The following DLG2 variants were observed in gnomAD, a reference collection of about 807,000 sequenced individuals.
DLG2 encodes disks large homolog 2.
A neutral mutation model predicts 132.5 loss-of-function variants in DLG2; 45 were observed. The observed-to-expected ratio is 0.34, with a 90% CI of 0.27 to 0.44. The LOEUF (loss-of-function observed/expected upper bound fraction) is 0.44. DLG2 is among the 20% of genes least tolerant of loss of function. DLG2 has a pLI of 1.00. For missense variants in DLG2, 1,045 were observed against 1,196.9 expected, an observed-to-expected ratio of 0.87 and a Z score of 1.87; for synonymous variants, 424 against 419.6, an observed-to-expected ratio of 1.01 and a Z score of -0.13.
chr11:85,272,637 T>C (rs2077609304), intron 4 of DLG2, among the ~76,000 whole-genome samples: 2 of 152,254 alleles, frequency 1.3e-5, no homozygotes, highest in Admixed American at 6.5e-5. Context: ...CATTCCATGC[T>C]CATGGATAGG....
chr11:84,966,473 A>T (rs1177964417), intron 6 of DLG2, among the ~76,000 whole-genome samples: 1 of 152,142 alleles, frequency 6.6e-6, no homozygotes, highest in Non-Finnish European at 1.5e-5. Flanking sequence ...ACATGACTTG[A>T]ATAGTCCTAT....
chr11:84,468,486 A>C (rs1418321562), intron 7 of DLG2, among the ~76,000 whole-genome samples: 1 of 151,520 alleles, frequency 6.6e-6, no homozygotes, highest in East Asian at 1.9e-4. Context: ...CCCATGCTGC[A>C]ATGATTTAAC....
chr11:85,261,199 C>T (rs1313307729), intron 4 of DLG2, among the ~76,000 whole-genome samples: 1 of 152,072 alleles, frequency 6.6e-6, no homozygotes, highest in Non-Finnish European at 1.5e-5. Context: ...TTTATAGGGT[C>T]ATGCTGGAGG....
At chr11:84,407,680 T>C (rs2098863211) in intron 7 of DLG2, among the ~76,000 whole-genome samples, 1 of 152,180 alleles carries the variant, frequency 6.6e-6, no homozygotes, top group African/African-American at 2.4e-5. Flanking sequence ...TCTTATAGCA[T>C]TTGGATACAT....
At chr11:84,922,894 G>A (rs992185553) in intron 6 of DLG2, among the ~76,000 whole-genome samples, 6 of 150,094 alleles carry the variant, frequency 4.0e-5, no homozygotes, top group Non-Finnish European at 8.8e-5. Flanking sequence ...TCACAGCAGC[G>A]TTCCAACATG....
At chr11:83,499,670 A>G (rs1232756574) in intron 21 of DLG2, among the ~76,000 whole-genome samples, 1 of 150,146 alleles carries the variant, frequency 6.7e-6, no homozygotes. Flanking sequence ...ATCAGACTCA[A>G]AGTTCTTCTG....
chr11:85,340,080 G>A (rs2082381561), intron 3 of DLG2, among the ~76,000 whole-genome samples: 1 of 152,202 alleles, frequency 6.6e-6, no homozygotes, highest in African/African-American at 2.4e-5. Flanking sequence ...AGACAGTGTG[G>A]CGATTCCTCA....
chr11:84,383,556 G>A (rs933434985), intron 7 of DLG2, among the ~76,000 whole-genome samples: 1 of 152,006 alleles, frequency 6.6e-6, no homozygotes, highest in African/African-American at 2.4e-5. Context: ...CTCTCATGTT[G>A]GCCTTAAAGA....
intron 7 of DLG2, among the ~76,000 whole-genome samples, chr11:84,377,173 G>A (rs545336953): frequency 6.6e-6 from 1 of 151,864 alleles, no homozygotes; most frequent in South Asian, 2.1e-4. Context: ...TATAATCCAG[G>A]CTTTATACTT....
At chr11:85,421,999 G>C (rs565153598) in intron 3 of DLG2, among the ~76,000 whole-genome samples, 3 of 152,140 alleles carry the variant, frequency 2.0e-5, no homozygotes, top group Non-Finnish European at 2.9e-5. Context: ...TATTTGAGGA[G>C]GATGAAGATA....
intron 8 of DLG2, among the ~76,000 whole-genome samples, chr11:84,199,877 T>C (rs2096569442): frequency 6.6e-6 from 1 of 151,962 alleles, no homozygotes; most frequent in African/African-American, 2.4e-5. Flanking sequence ...GACAAAAATA[T>C]GTGAGAAATT....
At chr11:84,628,509 A>G (rs2099626519) in intron 6 of DLG2, among the ~76,000 whole-genome samples, 1 of 152,186 alleles carries the variant, frequency 6.6e-6, no homozygotes, top group South Asian at 2.1e-4. Context: ...TCTTGACTCT[A>G]CCACGCACTT....
intron 7 of DLG2, among the ~76,000 whole-genome samples, chr11:84,427,422 C>T (rs2098970436): frequency 6.6e-6 from 1 of 152,180 alleles, no homozygotes; most frequent in African/African-American, 2.4e-5. Flanking sequence ...CAAGGTCACC[C>T]AACCAGTCTT....
At chr11:84,324,801 C>A (rs74424366) in intron 7 of DLG2, among the ~76,000 whole-genome samples, 8,005 of 152,032 alleles carry the variant, frequency 0.053, 493 homozygotes, top group East Asian at 0.18. Flanking sequence ...GGATTGCTTT[C>A]TTAATTTCCT....
intron 6 of DLG2, among the ~76,000 whole-genome samples, chr11:84,573,803 C>T (rs2154528119): frequency 6.6e-6 from 1 of 152,266 alleles, no homozygotes; most frequent in East Asian, 1.9e-4. Flanking sequence ...CCTAGCATTT[C>T]TTCATAGTAA....
At chr11:84,519,163 G>A (rs4084390) in intron 7 of DLG2, among the ~76,000 whole-genome samples, 1 of 151,964 alleles carries the variant, frequency 6.6e-6, no homozygotes, top group South Asian at 2.1e-4. Flanking sequence ...ACGGTACAGA[G>A]ACAAGAAGAA....
intron 3 of DLG2, among the ~76,000 whole-genome samples, chr11:85,402,117 C>G (rs921167467): frequency 2.0e-5 from 3 of 152,164 alleles, no homozygotes; most frequent in African/African-American, 7.2e-5. Flanking sequence ...GTAACCAAAA[C>G]AGCATGGCAC....
At chr11:83,497,923 AC>A (rs1311365547) in intron 21 of DLG2, among the ~76,000 whole-genome samples, 9 of 151,786 alleles carry the variant, frequency 5.9e-5, no homozygotes, top group East Asian at 3.8e-4. Context: ...TAAAAAAAAA[AC>A]AACAACAACT....
chr11:85,016,686 C>T (rs749523264), intron 6 of DLG2, among the ~76,000 whole-genome samples: 8 of 152,050 alleles, frequency 5.3e-5, no homozygotes, highest in Non-Finnish European at 1.2e-4. Context: ...CTTTAATCAA[C>T]TTCCCCTCTC....
Sources: gnomAD v4.1 joint callset for allele counts (sites outside exome capture counted in the v4.1 genomes callset) on GRCh38, gnomAD v4.1.1 for gene constraint, MANE v1.5 for transcripts, NCBI Gene and HGNC (gene_info 2026-07-23, HGNC 2026-07-21) for gene names.